HIGD1C: variants seen among roughly 807,000 people sequenced by gnomAD.
HIGD1C encodes HIG1 hypoxia inducible domain family member 1C, also known as HIG1 domain family member 1C.
In HIGD1C, 11 loss-of-function variants were observed where a neutral mutation model predicts 13.1. That is an observed-to-expected ratio of 0.84 (90% CI 0.53 to 1.39). HIGD1C has a LOEUF of 1.39. Among genes scored for constraint, HIGD1C ranks in the 40% most tolerant of loss-of-function variants. The pLI, the probability that HIGD1C is intolerant of heterozygous loss-of-function variation, is 0.00. For missense variants in HIGD1C, 110 were observed against 112.0 expected (o/e 0.98, Z 0.08); for synonymous variants, 36 against 37.7 (o/e 0.95, Z 0.17).
intron 1 of HIGD1C, among the ~76,000 whole-genome samples, chr12:50,958,620 A>T (rs991053450): frequency 1.8e-4 from 28 of 152,094 alleles, no homozygotes; most frequent in African/African-American, 6.5e-4. Context: ...AGTGGAAAGA[A>T]TCACTCTGGC....
chr12:50,970,843 T>C (rs1939735076), downstream of HIGD1C, among the ~76,000 whole-genome samples: 2 of 152,034 alleles, frequency 1.3e-5, no homozygotes, highest in African/African-American at 2.4e-5. Flanking sequence ...TTAATAATTA[T>C]ATAATGGTTA....
At chr12:50,959,839 G>A (rs546628800) in intron 1 of HIGD1C, among the ~76,000 whole-genome samples, 2 of 152,004 alleles carry the variant, frequency 1.3e-5, no homozygotes, top group East Asian at 3.9e-4. Flanking sequence ...TAGTGGAGAT[G>A]GGATTTCACC....
intron 2 of HIGD1C, among the ~76,000 whole-genome samples, chr12:50,967,778 A>T (rs1939595716): frequency 6.6e-6 from 1 of 152,216 alleles, no homozygotes; most frequent in African/African-American, 2.4e-5. Flanking sequence ...AAACTGTATC[A>T]GTCAAGATTC....
the HIGD1C span, among the ~76,000 whole-genome samples, chr12:50,945,668 T>C: frequency 2.6e-5 from 4 of 152,118 alleles, no homozygotes; most frequent in African/African-American, 9.7e-5. Context: ...AGGTAATTTA[T>C]AGATTCAATG....
intron 2 of HIGD1C, among the ~76,000 whole-genome samples, chr12:50,969,624 G>A (rs1189277738): frequency 6.6e-6 from 1 of 151,870 alleles, no homozygotes; most frequent in Non-Finnish European, 1.5e-5. Context: ...GCTTGAACCT[G>A]GGAAGCGGAG....
intron 1 of HIGD1C, among the ~76,000 whole-genome samples, chr12:50,954,756 A>C (rs1460415042): frequency 6.6e-6 from 1 of 152,154 alleles, no homozygotes; most frequent in Non-Finnish European, 1.5e-5. Flanking sequence ...ACAAAAAACC[A>C]AAAACTTCTG....
chr12:50,965,511 C>T (rs1939507711), intron 2 of HIGD1C, among the ~76,000 whole-genome samples: 1 of 152,122 alleles, frequency 6.6e-6, no homozygotes, highest in South Asian at 2.1e-4. Context: ...AGAATTCTGA[C>T]AGTTGATGAG....
At chr12:50,939,304 C>T in the HIGD1C span, among the ~76,000 whole-genome samples, 1 of 152,170 alleles carries the variant, frequency 6.6e-6, no homozygotes, top group African/African-American at 2.4e-5. Context: ...TCTGCCACCA[C>T]ACCCAGCTAA....
the HIGD1C span, among the ~76,000 whole-genome samples, chr12:50,933,325 C>T: frequency 6.6e-6 from 1 of 152,060 alleles, no homozygotes; most frequent in Admixed American, 6.6e-5. Flanking sequence ...TCAGCCTGTG[C>T]AAAAGGGAGA....
upstream of HIGD1C, among the ~76,000 whole-genome samples, chr12:50,949,735 T>A (rs1023533649): frequency 8.6e-5 from 13 of 151,940 alleles, no homozygotes; most frequent in Non-Finnish European, 1.5e-4. Flanking sequence ...GGTTTCACCA[T>A]GTTGATCAGG....
chr12:50,932,762 C>T, the HIGD1C span, among the ~76,000 whole-genome samples: 1 of 152,174 alleles, frequency 6.6e-6, no homozygotes, highest in Non-Finnish European at 1.5e-5. Flanking sequence ...TCTAACGATC[C>T]CATTTGTGAA....
intron 1 of HIGD1C, among the ~76,000 whole-genome samples, chr12:50,954,571 T>C (rs182421932): frequency 2.2e-4 from 33 of 152,310 alleles, no homozygotes; most frequent in Non-Finnish European, 4.4e-4. Flanking sequence ...TAAAAACTTC[T>C]GCTTCTAGGC....
At chr12:50,937,962 G>T in the HIGD1C span, among the ~76,000 whole-genome samples, 1 of 152,070 alleles carries the variant, frequency 6.6e-6, no homozygotes, top group Non-Finnish European at 1.5e-5. Flanking sequence ...TTGGCCAAAC[G>T]GTCATCAATG....
At chr12:50,950,178 G>A (rs181386413), upstream of HIGD1C, among the ~76,000 whole-genome samples, 919 of 152,244 alleles carry the variant, frequency 6.0e-3, 6 homozygotes, top group Middle Eastern at 0.02. Context: ...CCAGGTACCA[G>A]TGCTGATGGG....
At chr12:50,961,245 A>C in intron 2 of HIGD1C, 143 bp downstream of exon 4, 1 of 882,946 alleles carries the variant, frequency 1.1e-6, no homozygotes, top group Non-Finnish European at 1.7e-6. Context: ...CCCTTAGTTG[A>C]GGTTGTGGCC....
At chr12:50,971,939 A>T (rs140135621), downstream of HIGD1C, among the ~76,000 whole-genome samples, 83 of 152,380 alleles carry the variant, frequency 5.4e-4, no homozygotes, top group African/African-American at 2.0e-3. Flanking sequence ...AATTATTTTA[A>T]AAGTTGTCAA....
chr12:50,956,100 A>G (rs2139789071), intron 1 of HIGD1C, among the ~76,000 whole-genome samples: 1 of 152,324 alleles, frequency 6.6e-6, no homozygotes, highest in African/African-American at 2.4e-5. Flanking sequence ...AATAATGATA[A>G]AATTTGGTAG....
At chr12:50,969,607 G>A (rs1359367521) in intron 2 of HIGD1C, among the ~76,000 whole-genome samples, 1 of 151,684 alleles carries the variant, frequency 6.6e-6, no homozygotes, top group African/African-American at 2.4e-5. Flanking sequence ...GCTGAGGCAG[G>A]AGAATCGCTT....
chr12:50,967,439 A>G (rs7959082), intron 2 of HIGD1C, among the ~76,000 whole-genome samples: 22,724 of 152,000 alleles, frequency 0.15, 1,898 homozygotes, highest in South Asian at 0.26. Flanking sequence ...GAGCTACCAG[A>G]CCTGGCCTTT....
Sources: gnomAD v4.1 joint callset for allele counts (sites outside exome capture counted in the v4.1 genomes callset) on GRCh38, gnomAD v4.1.1 for gene constraint, MANE v1.5 for transcripts, NCBI Gene and HGNC (gene_info 2026-07-23, HGNC 2026-07-21) for gene names.